LINGO2: variants seen among roughly 807,000 people sequenced by gnomAD.
LINGO2 encodes leucine rich repeat and Ig domain containing 2, also known as leucine-rich repeat and immunoglobulin-like domain-containing nogo receptor-interacting protein 2.
A neutral mutation model predicts 30.6 loss-of-function variants in LINGO2; 14 were observed. The observed-to-expected ratio is 0.46, with a 90% CI of 0.30 to 0.72. The LOEUF (loss-of-function observed/expected upper bound fraction) is 0.72, where lower values mean the gene tolerates loss of function less well. Ranked by LOEUF, LINGO2 falls within the 30% of genes least tolerant of loss-of-function variation. The probability of loss-of-function intolerance (pLI) is 0.07; values close to 1 mark genes in which losing one functional copy is unlikely to be tolerated. For missense variants in LINGO2, 729 were observed against 751.7 expected, an observed-to-expected ratio of 0.97 and a Z score of 0.35; for synonymous variants, 317 against 288.5, an observed-to-expected ratio of 1.10 and a Z score of -1.00.
At chr9:29,068,307 G>T in the LINGO2 span, among the ~76,000 whole-genome samples, 1 of 98,072 alleles carries the variant, frequency 1.0e-5, no homozygotes, top group African/African-American at 4.2e-5. Flanking sequence ...CATTAATTTT[G>T]AGATAATTTT....
chr9:29,076,290 T>C, the LINGO2 span, among the ~76,000 whole-genome samples: 3 of 151,880 alleles, frequency 2.0e-5, no homozygotes, highest in Non-Finnish European at 2.9e-5. Context: ...ATTTCCATTA[T>C]CTATATATAT....
At chr9:27,945,403 G>A (rs1823326205), downstream of LINGO2, among the ~76,000 whole-genome samples, 1 of 152,018 alleles carries the variant, frequency 6.6e-6, no homozygotes, top group Admixed American at 6.6e-5. Context: ...ACAGAATAAT[G>A]AAAAAAGAAT....
the LINGO2 span, among the ~76,000 whole-genome samples, chr9:29,093,974 G>T: frequency 1.5e-5 from 2 of 137,742 alleles, 1 homozygote; most frequent in East Asian, 4.9e-4. Context: ...AAATTACCTT[G>T]CTTAAGAAAA....
chr9:29,054,768 A>C, the LINGO2 span, among the ~76,000 whole-genome samples: 1 of 152,328 alleles, frequency 6.6e-6, no homozygotes, highest in Non-Finnish European at 1.5e-5. Flanking sequence ...AGCATGTAAT[A>C]CAAACATATA....
At chr9:28,081,863 T>C (rs1237449661) in intron 4 of LINGO2, among the ~76,000 whole-genome samples, 4 of 152,220 alleles carry the variant, frequency 2.6e-5, no homozygotes, top group Admixed American at 2.6e-4. Context: ...CTTTTTCTTT[T>C]TTATGTCATA....
At chr9:27,981,157 A>G (rs1820833844) in intron 5 of LINGO2, among the ~76,000 whole-genome samples, 1 of 151,806 alleles carries the variant, frequency 6.6e-6, no homozygotes, top group Non-Finnish European at 1.5e-5. Context: ...TTTTTCCAGA[A>G]GTTCCACTGT....
At chr9:28,304,376 T>A (rs1824263171) in intron 3 of LINGO2, among the ~76,000 whole-genome samples, 1 of 151,488 alleles carries the variant, frequency 6.6e-6, no homozygotes. Flanking sequence ...AATATATACA[T>A]GATATGTATA....
the LINGO2 span, among the ~76,000 whole-genome samples, chr9:29,033,053 T>A: frequency 6.6e-6 from 1 of 152,160 alleles, no homozygotes; most frequent in African/African-American, 2.4e-5. Flanking sequence ...AATGCTTTAT[T>A]CACATATCAC....
At chr9:28,388,827 T>A (rs1821706774) in intron 2 of LINGO2, among the ~76,000 whole-genome samples, 1 of 152,234 alleles carries the variant, frequency 6.6e-6, no homozygotes, top group Admixed American at 6.5e-5. Flanking sequence ...TCCTGCCACA[T>A]ATTTAGAAGC....
chr9:28,796,436 T>C, the LINGO2 span, among the ~76,000 whole-genome samples: 1 of 152,118 alleles, frequency 6.6e-6, no homozygotes, highest in African/African-American at 2.4e-5. Context: ...TTGATATTTA[T>C]ATTAAAACTG....
chr9:28,905,559 T>C, the LINGO2 span, among the ~76,000 whole-genome samples: 1 of 152,046 alleles, frequency 6.6e-6, no homozygotes, highest in Non-Finnish European at 1.5e-5. Context: ...TTACTAATCA[T>C]CTGGGAAATG....
At chr9:28,151,164 G>A (rs964250975) in intron 4 of LINGO2, among the ~76,000 whole-genome samples, 2 of 152,038 alleles carry the variant, frequency 1.3e-5, no homozygotes, top group Non-Finnish European at 1.5e-5. Flanking sequence ...ACAGTACATT[G>A]CAATAATAAC....
chr9:28,515,893 T>C (rs553482147), intron 1 of LINGO2, among the ~76,000 whole-genome samples: 1 of 152,272 alleles, frequency 6.6e-6, no homozygotes, highest in Admixed American at 6.5e-5. Flanking sequence ...GAAGAGTCAA[T>C]TGATGCAGCA....
chr9:28,641,332 G>A (rs776754098), intron 1 of LINGO2, among the ~76,000 whole-genome samples: 6 of 152,034 alleles, frequency 3.9e-5, no homozygotes, highest in African/African-American at 7.2e-5. Context: ...CACCGCGCCC[G>A]GCCTCAGAGG....
the LINGO2 span, among the ~76,000 whole-genome samples, chr9:28,983,298 C>T: frequency 7.1e-6 from 1 of 140,174 alleles, no homozygotes; most frequent in African/African-American, 2.6e-5. Flanking sequence ...TGTGGTGACC[C>T]ATTTATTATA....
exon 6 of LINGO2, chr9:27,949,007 C>G (rs766446997): frequency 2.5e-6 from 4 of 1,614,004 alleles, no homozygotes; most frequent in Non-Finnish European, 3.4e-6. Context: ...AAAATAAAAC[C>G]ACTCCCAGGA....
chr9:28,938,488 A>G, the LINGO2 span, among the ~76,000 whole-genome samples: 1 of 152,178 alleles, frequency 6.6e-6, no homozygotes, highest in South Asian at 2.1e-4. Context: ...ATTTCTATCA[A>G]TGATGGGCCA....
At chr9:28,945,323 G>T in the LINGO2 span, among the ~76,000 whole-genome samples, 1 of 152,106 alleles carries the variant, frequency 6.6e-6, no homozygotes, top group Non-Finnish European at 1.5e-5. Flanking sequence ...AGTAAAATCA[G>T]AAACCCTATT....
At chr9:28,311,337 T>C (rs559128961) in intron 3 of LINGO2, among the ~76,000 whole-genome samples, 60 of 152,266 alleles carry the variant, frequency 3.9e-4, no homozygotes, top group African/African-American at 1.4e-3. Flanking sequence ...CACATTGTCA[T>C]TGATAACATC....
Sources: gnomAD v4.1 joint callset for allele counts (sites outside exome capture counted in the v4.1 genomes callset) on GRCh38, gnomAD v4.1.1 for gene constraint, MANE v1.5 for transcripts, NCBI Gene and HGNC (gene_info 2026-07-23, HGNC 2026-07-21) for gene names.